Variants in RNF213 observed in about 807,000 individuals in gnomAD.
RNF213 encodes the protein E3 ubiquitin-protein ligase RNF213.
In RNF213, 341 loss-of-function variants were observed where a neutral mutation model predicts 514.4. That is an observed-to-expected ratio of 0.66 (90% CI 0.61 to 0.73). The LOEUF (loss-of-function observed/expected upper bound fraction) is 0.73. Ranked by LOEUF, RNF213 falls within the 30% of genes least tolerant of loss-of-function variation. RNF213 has a pLI of 0.00. For missense variants in RNF213, 5,767 were observed against 6,615.6 expected (o/e 0.87, Z 4.45); for synonymous variants, 2,655 against 2,658.2 (o/e 1.00, Z 0.04).
At chr17:80,381,454 G>A (rs1384107527) in intron 56 of RNF213, 93 bp from the exon 57 acceptor site, 1 of 1,330,150 alleles carries the variant, frequency 7.5e-7, no homozygotes, top group Non-Finnish European at 1.1e-6. Context: ...CCGACTCTAT[G>A]CTGGTGCTCC....
chr17:80,322,307 T>C (rs1420044714), intron 17 of RNF213, among the ~76,000 whole-genome samples: 2 of 151,714 alleles, frequency 1.3e-5, no homozygotes, highest in African/African-American at 4.8e-5. Flanking sequence ...ACTACAGGCA[T>C]GTGCCACCAT....
At chr17:80,311,581 A>G (rs550129811) in intron 14 of RNF213, among the ~76,000 whole-genome samples, 33 of 152,244 alleles carry the variant, frequency 2.2e-4, no homozygotes, top group African/African-American at 6.7e-4. Context: ...TCCCTCTTAC[A>G]TGCTTTGAAA....
In RNF213 at chr17:80,390,175, A is replaced by G. The variant is rs1599222469; in HGVS notation, c.15449A>G (p.Glu5150Gly). The G allele has an allele frequency of 6.2e-7, 1 of 1,614,002 alleles. No homozygotes were observed. The highest frequency in any genetic ancestry group is 8.5e-7 in the Non-Finnish European group (1 of 1,179,962). Reference sequence around the variant, plus strand: ...AAGAACCCCCAAACCCAAACCGAGGAGCGCTTCCGCCCTCAGTGGAGGTAT... The same window carrying G: ...AAGAACCCCCAAACCCAAACCGAGGGGCGCTTCCGCCCTCAGTGGAGGTAT... Reference protein sequence around the residue: ...KLKNPQTQTEERFRPQWSLRD... With the variant: ...KLKNPQTQTEGRFRPQWSLRD... Residue 5150 changes from glutamate to glycine, a missense_variant, in exon 67 of 68, where the codon GAG becomes GGG. Physicochemically the swap from Glu to Gly is moderately conservative, Grantham distance 98 (BLOSUM62 -2). Coordinates refer to ENST00000582970, the MANE Select transcript of RNF213 (RefSeq NM_001256071.3).
intron 29 of RNF213, 130 bp downstream of exon 29, chr17:80,348,416 TCTC>T: frequency 1.5e-6 from 2 of 1,319,270 alleles, no homozygotes; most frequent in African/African-American, 2.9e-5. Flanking sequence ...GACGCTGAGC[TCTC>T]CTCCGCGGTA....
chr17:80,299,243 C>T (rs2045082952), intron 11 of RNF213, among the ~76,000 whole-genome samples: 1 of 137,334 alleles, frequency 7.3e-6, no homozygotes, highest in Non-Finnish European at 1.6e-5. Flanking sequence ...AGAGAGAGTG[C>T]CAGCCTTGTA....
At position 80,346,714 on chromosome 17, in the gene RNF213, A is replaced by C; in HGVS notation, c.8379A>C (p.Ser2793=). ...ADAMQGPAAY[S]DLFRSLKQVH... ...CCATGCAGGGCCCGGCTGCCTACTC[A>C]GATCTCTTCCGCAGCCTGAAGCAGG... is the stretch of plus-strand genomic sequence containing the variant. Residue 2793 remains serine, a synonymous_variant, in exon 29 of 68, where the codon TCA becomes TCC. Transcript: ENST00000582970. This position sits in a 1 kb window ranked among gnomAD's most constrained non-coding sequence, Gnocchi z 8.1. 6.2e-7 allele frequency: 1 copy of C among 1,611,812 alleles called. No individual in the cohort carries two copies. The highest frequency in any genetic ancestry group is 8.5e-7 in the Non-Finnish European group (1 of 1,179,936).
intron 3 of RNF213, among the ~76,000 whole-genome samples, chr17:80,274,611 G>T (rs1217325648): frequency 3.6e-4 from 3 of 8,398 alleles, no homozygotes; most frequent in South Asian, 1.7e-3. Context: ...GGTGAGTGTG[G>T]GGGGTGAGTG....
In RNF213 at chr17:80,332,267, C is replaced by A. The variant is rs528633479; in HGVS notation, c.3779C>A (p.Pro1260His). ...GAAGCCGCAGAGTTGCTGAGTGAGCCCGAAGAAGAATCAGAAAGGCACATC... is the reference window on the plus strand; with the variant it reads ...GAAGCCGCAGAGTTGCTGAGTGAGCACGAAGAAGAATCAGAAAGGCACATC... ...DQEAAELLSE[P>H]EEESERHILE... is the part of the protein sequence containing the mutation. Residue 1260 changes from proline to histidine, a missense_variant, in exon 21 of 68, where the codon CCC becomes CAC. Physicochemically the swap from Pro to His is moderately conservative, Grantham distance 77. This residue lies in a region of RNF213 where 516 missense variants were observed against 566.5 expected (regional missense o/e 0.91). Transcript: ENST00000582970. 2.0e-5 allele frequency: 30 copies of A among 1,537,116 alleles called. No homozygotes were observed. The African/African-American group carries it at 3.8e-4, about 20-fold the overall frequency.
At chr17:80,333,197 C>T (rs1331967707) in intron 21 of RNF213, among the ~76,000 whole-genome samples, 6 of 150,320 alleles carry the variant, frequency 4.0e-5, no homozygotes, top group South Asian at 2.1e-4. Flanking sequence ...CACAGGTGCC[C>T]GCAACCACGC....
chr17:80,285,541 T>C (rs1235105413), intron 3 of RNF213, among the ~76,000 whole-genome samples: 1 of 152,186 alleles, frequency 6.6e-6, no homozygotes, highest in African/African-American at 2.4e-5. Flanking sequence ...GACGGCCTCT[T>C]GCTTCCCCCT....
rs1599126650 is a variant in RNF213 at position 80,360,316 on chromosome 17, T to C, written c.11200+110T>C. ...GAATTGCAAGGTGAATTTTGGAGTT[T>C]TTAGTTTTCACACTTTGTTTGTGCA... On this transcript the variant is annotated intron_variant, in intron 38 of 67. Coordinates refer to ENST00000582970, the MANE Select transcript of RNF213 (RefSeq NM_001256071.3). 5.4e-6 allele frequency: 7 copies of C among 1,289,844 alleles called. No homozygotes were observed. In the East Asian group the frequency reaches 1.5e-4, roughly 28 times the overall value. 79.9% of individuals were successfully genotyped at this position (1,289,844 alleles called of 1,614,324 possible).
chr17:80,337,750 G>A lies in RNF213; in HGVS notation c.4668+24G>A, dbSNP rs541059478. 128 of 1,537,242 alleles carry A rather than the reference G, an allele frequency of 8.3e-5. No homozygotes were observed. The East Asian group carries it at 2.1e-3, about 25-fold the overall frequency. On this transcript the variant is annotated intron_variant, in intron 24 of 67. Coordinates refer to ENST00000582970, the MANE Select transcript of RNF213 (RefSeq NM_001256071.3). The stretch of plus-strand genomic sequence containing the variant: ...AGGTGAGCGGTCCCCAGCCCTCGGC[G>A]CAGCTGCGGCCCTTCTGCAGGCTGC...
chr17:80,313,579 A>T (rs1384203035), intron 15 of RNF213, among the ~76,000 whole-genome samples: 26 of 103,736 alleles, frequency 2.5e-4, no homozygotes, highest in Non-Finnish European at 4.0e-5. Context: ...GTGGTCATGG[A>T]GGTGGTGGAG....
rs765833474 is a variant in RNF213, at chr17:80,346,780, A to G, written c.8445A>G (p.Pro2815=). Residue 2815 remains proline (P), a synonymous_variant, in exon 29 of 68, where the codon CCA becomes CCG. Coordinates refer to ENST00000582970, the MANE Select transcript of RNF213 (RefSeq NM_001256071.3). This position sits in a 1 kb window ranked among gnomAD's most constrained non-coding sequence, Gnocchi z 8.1. ...VSFQCSPHST[P]QGIISTFRQC... ...TCCAGTGCAGCCCGCACTCCACCCC[A>G]CAGGGCATCATCAGCACCTTCCGGC... 26 of 1,613,608 alleles carry G rather than the reference A, an allele frequency of 1.6e-5. No homozygotes were observed. Among genetic ancestry groups the G allele is most frequent in the Middle Eastern group, 1.6e-4 (1 of 6,084 alleles).
At chr17:80,301,134 C>A (rs529776498) in intron 11 of RNF213, among the ~76,000 whole-genome samples, 1 of 152,164 alleles carries the variant, frequency 6.6e-6, no homozygotes, top group Admixed American at 6.5e-5. Context: ...TGCAAAAGCT[C>A]CTCAGTTTAA....
chr17:80,369,398 C>T, intron 44 of RNF213, 104 bp from the exon 45 acceptor site: 1 of 930,784 alleles, frequency 1.1e-6, no homozygotes, highest in Non-Finnish European at 1.6e-6. Flanking sequence ...AACTCCGTCT[C>T]AAAAAAAAAA....
Position 80,347,858 on chromosome 17 carries a change from G to A in RNF213, c.9523G>A (p.Asp3175Asn), listed in dbSNP as rs765871777. Residue 3175 changes from aspartate (D) to asparagine (N), a missense_variant, in exon 29 of 68, where the codon GAT (aspartate) becomes AAT (asparagine). Asp to Asn is a conservative substitution (Grantham distance 23). Around this residue, in one of 13 missense-constraint regions of RNF213, gnomAD observed 919 missense variants for 1,121.0 expected, o/e 0.82. Transcript: ENST00000582970. This position sits in a 1 kb window ranked among gnomAD's most constrained non-coding sequence, Gnocchi z 7.2. Reference protein sequence around the residue: ...LINRLEKHYLDINTVLEKWQK... With the variant: ...LINRLEKHYLNINTVLEKWQK... ...TAACCGGCTGGAGAAGCACTATCTGGATATCAACACGGTGCTGGAGAAATG... is the reference window on the plus strand; with the variant it reads ...TAACCGGCTGGAGAAGCACTATCTGAATATCAACACGGTGCTGGAGAAATG... The A allele has an allele frequency of 8.7e-6, 14 of 1,614,174 alleles. No homozygotes were observed. In the East Asian group the frequency reaches 3.1e-4, roughly 36 times the overall value.
chr17:80,390,785 C>T (rs577098592), intron 67 of RNF213, among the ~76,000 whole-genome samples: 1 of 151,946 alleles, frequency 6.6e-6, no homozygotes, highest in South Asian at 2.1e-4. Context: ...TATCCTAGGC[C>T]GGGTGTGGAG....
At position 80,346,834 on chromosome 17, in the gene RNF213, C is replaced by A. The variant is rs1568106325; in HGVS notation, c.8499C>A (p.Asp2833Glu). The change falls in exon 29 of 68, where the codon GAC (aspartate) becomes GAA (glutamate). Residue 2833 changes from aspartate (D) to glutamate (E), a missense_variant. Physicochemically the swap from Asp to Glu is conservative, Grantham distance 45 (BLOSUM62 2). This residue lies in a region of RNF213 where 105 missense variants were observed against 183.9 expected (regional missense o/e 0.57). Transcript: ENST00000582970. This position sits in a 1 kb window ranked among gnomAD's most constrained non-coding sequence, Gnocchi z 8.1. ...GCGCCCGCTTTCAGCAGGGGAAGGA[C>A]CTGCAGCAGTACGTCTCTGTGGTGG... ...RQCARFQQGK[D>E]LQQYVSVVVL... 6.2e-7 allele frequency: 1 copy of A among 1,614,140 alleles called. No individual in the cohort carries two copies. Among genetic ancestry groups the A allele is most frequent in the Non-Finnish European group, 8.5e-7 (1 of 1,180,038 alleles).
Sources: gnomAD v4.1 joint callset for allele counts (sites outside exome capture counted in the v4.1 genomes callset) on GRCh38, gnomAD v4.1.1 for gene constraint, gnomAD v4.1.1 regional missense constraint, Gnocchi (gnomAD v3.1) non-coding constraint, MANE v1.5 for transcripts, NCBI Gene and HGNC (gene_info 2026-07-23, HGNC 2026-07-21) for gene names.